SNX14: variants seen among roughly 807,000 people sequenced by gnomAD.
The protein encoded by SNX14 is sorting nexin-14.
A neutral mutation model predicts 133.8 loss-of-function variants in SNX14; 93 were observed. The observed-to-expected ratio is 0.70, with a 90% CI of 0.59 to 0.83. SNX14 has a LOEUF of 0.83. Ranked by LOEUF, SNX14 falls within the 40% of genes least tolerant of loss-of-function variation. The probability of loss-of-function intolerance (pLI) is 0.00; values close to 1 mark genes in which losing one functional copy is unlikely to be tolerated. For missense variants in SNX14, 945 were observed against 1,094.9 expected (o/e 0.86, Z 1.93); for synonymous variants, 368 against 365.6 (o/e 1.01, Z -0.07).
At chr6:85,558,936 GA>G (rs11316571) in intron 6 of SNX14, among the ~76,000 whole-genome samples, 108,704 of 146,414 alleles carry the variant, frequency 0.74, 41,123 homozygotes, top group African/African-American at 0.92. Context: ...CAGAAAACAG[GA>G]AAAAAAAAAA....
At chr6:85,545,397 T>G (rs1217526497) in intron 12 of SNX14, among the ~76,000 whole-genome samples, 1 of 152,124 alleles carries the variant, frequency 6.6e-6, no homozygotes, top group African/African-American at 2.4e-5. Context: ...TGAGAGAAAC[T>G]ATGTGCTGCT....
At chr6:85,508,660 A>C (rs1192510593) in intron 26 of SNX14, among the ~76,000 whole-genome samples, 1 of 151,466 alleles carries the variant, frequency 6.6e-6, no homozygotes, top group Non-Finnish European at 1.5e-5. Context: ...CATCTTACAA[A>C]CCAATCATTT....
intron 9 of SNX14, 127 bp downstream of exon 9, chr6:85,548,174 T>C: frequency 3.1e-6 from 2 of 652,152 alleles, no homozygotes; most frequent in Non-Finnish European, 5.2e-6. Context: ...AGATGGGGAA[T>C]GGGGATGGTT....
At position 85,522,878 on chromosome 6, in the gene SNX14, C is replaced by T. The variant is rs529189391; in HGVS notation, c.2107+3248G>A. On this transcript the variant is annotated intron_variant, in intron 21 of 28. Coordinates refer to ENST00000314673, the MANE Select transcript of SNX14 (RefSeq NM_153816.6). ...CCCTCTTTCATGCCTCTTGTACATGCCAGTCCCTCCAACTGGAATGATCTC... is the reference window on the plus strand; with the variant it reads ...CCCTCTTTCATGCCTCTTGTACATGTCAGTCCCTCCAACTGGAATGATCTC... Among the ~76,000 whole-genome samples, 7 of 152,282 alleles carry T rather than the reference C, an allele frequency of 4.6e-5. No individual in the cohort carries two copies. The South Asian group carries it at 1.4e-3, about 32-fold the overall frequency.
intron 4 of SNX14, among the ~76,000 whole-genome samples, chr6:85,570,037 C>A (rs1175574187): frequency 3.3e-5 from 5 of 152,176 alleles, no homozygotes; most frequent in African/African-American, 1.2e-4. Context: ...TGATTTCCCT[C>A]TCAATAGTTA....
chr6:85,531,874 T>C (rs1780415214), intron 18 of SNX14, among the ~76,000 whole-genome samples: 1 of 151,858 alleles, frequency 6.6e-6, no homozygotes, highest in South Asian at 2.1e-4. Context: ...AAAAAAATTT[T>C]AAAATTAGCT....
chr6:85,518,397 A>G (rs1775774823), intron 21 of SNX14, among the ~76,000 whole-genome samples: 1 of 152,204 alleles, frequency 6.6e-6, no homozygotes, highest in Non-Finnish European at 1.5e-5. Flanking sequence ...AAGGGTTTTC[A>G]GTAACAGTGA....
intron 1 of SNX14, among the ~76,000 whole-genome samples, chr6:85,576,384 G>T (rs905228737): frequency 3.9e-5 from 6 of 152,030 alleles, no homozygotes; most frequent in Non-Finnish European, 8.8e-5. Context: ...TAGACAAAAC[G>T]ATGACAACAA....
intron 7 of SNX14, among the ~76,000 whole-genome samples, chr6:85,551,224 A>G (rs1787718181): frequency 6.6e-6 from 1 of 152,206 alleles, no homozygotes; most frequent in African/African-American, 2.4e-5. Context: ...AGGCCACCAT[A>G]GCTCGTGAGG....
At chr6:85,571,285 G>A (rs552772912) in intron 4 of SNX14, among the ~76,000 whole-genome samples, 11 of 151,448 alleles carry the variant, frequency 7.3e-5, no homozygotes, top group Admixed American at 2.6e-4. Flanking sequence ...GCTTGAACCC[G>A]GGAGGCAGAG....
At chr6:85,554,204 T>A (rs1257467626) in intron 7 of SNX14, among the ~76,000 whole-genome samples, 1 of 151,830 alleles carries the variant, frequency 6.6e-6, no homozygotes, top group South Asian at 2.1e-4. Context: ...TCCCACACAA[T>A]CATTATCCAA....
At chr6:85,591,318 T>C (rs1802696780) in intron 1 of SNX14, among the ~76,000 whole-genome samples, 1 of 152,126 alleles carries the variant, frequency 6.6e-6, no homozygotes, top group Non-Finnish European at 1.5e-5. Context: ...ATCTGGCACC[T>C]TCCAAAAGAT....
chr6:85,545,958 T>C (rs936479135), intron 12 of SNX14, among the ~76,000 whole-genome samples: 37 of 152,210 alleles, frequency 2.4e-4, no homozygotes, highest in African/African-American at 8.7e-4. Flanking sequence ...GCTGGGATTG[T>C]AAGCATGAGC....
chr6:85,554,900 G>A (rs1789140014), intron 7 of SNX14, among the ~76,000 whole-genome samples: 1 of 151,866 alleles, frequency 6.6e-6, no homozygotes, highest in South Asian at 2.1e-4. Context: ...GCTCACTGCA[G>A]TCTCAAACTC....
intron 19 of SNX14, among the ~76,000 whole-genome samples, chr6:85,528,843 G>A (rs1582647728): frequency 6.6e-6 from 1 of 152,068 alleles, no homozygotes; most frequent in Non-Finnish European, 1.5e-5. Flanking sequence ...GATCACTTGA[G>A]GTCAGAAGTT....
intron 21 of SNX14, among the ~76,000 whole-genome samples, chr6:85,523,554 C>G (rs1777561895): frequency 6.6e-6 from 1 of 152,112 alleles, no homozygotes. Flanking sequence ...GCAGACGGAT[C>G]ACTTGAACTT....
intron 7 of SNX14, among the ~76,000 whole-genome samples, chr6:85,552,511 G>C (rs191358043): frequency 6.6e-6 from 1 of 152,190 alleles, no homozygotes; most frequent in Non-Finnish European, 1.5e-5. Context: ...TGAGTCCCAA[G>C]GGAAATTGCA....
At chr6:85,513,322 A>G (rs1332649021) in intron 26 of SNX14, among the ~76,000 whole-genome samples, 1 of 152,184 alleles carries the variant, frequency 6.6e-6, no homozygotes, top group East Asian at 1.9e-4. Context: ...TGCCTCTATT[A>G]TCACATGTAT....
intron 4 of SNX14, 93 bp from the exon 5 acceptor site, chr6:85,567,670 A>C: frequency 1.3e-6 from 1 of 775,484 alleles, no homozygotes; most frequent in Non-Finnish European, 2.0e-6. Context: ...ATTACCAAGA[A>C]ACAATTTTAT....
Sources: allele counts gnomAD v4.1 joint callset (sites outside exome capture counted in the v4.1 genomes callset), GRCh38; gene constraint gnomAD v4.1.1; transcripts MANE v1.5; gene names NCBI Gene and HGNC (gene_info 2026-07-23, HGNC 2026-07-21).